Variants in PPP2R2B observed in about 807,000 individuals in gnomAD.
PPP2R2B encodes serine/threonine-protein phosphatase 2A 55 kDa regulatory subunit B beta isoform.
Under a neutral mutation model 46.0 loss-of-function variants are expected in PPP2R2B, and 5 were observed. The observed-to-expected ratio is 0.11, with a 90% CI of 0.06 to 0.23. The LOEUF is 0.23. Among genes scored for constraint, PPP2R2B ranks in the 10% least tolerant of loss-of-function variants. The pLI is 1.00. For synonymous variants in PPP2R2B, 215 were observed against 206.7 expected (o/e 1.04, Z -0.34); for missense variants, 367 against 575.0 (o/e 0.64, Z 3.70).
intron 2 of PPP2R2B, among the ~76,000 whole-genome samples, chr5:146,807,526 C>T (rs1757248697): frequency 6.6e-6 from 1 of 152,082 alleles, no homozygotes; most frequent in East Asian, 1.9e-4. Context: ...TAACTTATGC[C>T]AGGCACAGTA....
chr5:146,887,328 T>C (rs1209993993), intron 1 of PPP2R2B, among the ~76,000 whole-genome samples: 1 of 152,090 alleles, frequency 6.6e-6, no homozygotes, highest in Non-Finnish European at 1.5e-5. Flanking sequence ...GTTTCAAAAT[T>C]TTTATTCCAT....
At chr5:146,886,202 G>A (rs1162412448) in intron 1 of PPP2R2B, among the ~76,000 whole-genome samples, 1 of 152,006 alleles carries the variant, frequency 6.6e-6, no homozygotes, top group Non-Finnish European at 1.5e-5. Context: ...AGCCGGGCGT[G>A]GTGGCGGGCC....
At chr5:146,632,946 T>A (rs1241374391) in intron 7 of PPP2R2B, among the ~76,000 whole-genome samples, 2 of 151,564 alleles carry the variant, frequency 1.3e-5, no homozygotes, top group Non-Finnish European at 2.9e-5. Flanking sequence ...TGGAAAGGAG[T>A]TCAGGCTTAA....
chr5:147,080,229 T>C (rs1445644217), intron 2 of PPP2R2B, among the ~76,000 whole-genome samples: 1 of 152,228 alleles, frequency 6.6e-6, no homozygotes, highest in Non-Finnish European at 1.5e-5. Context: ...TTGAGTATAG[T>C]GTTCAATCCT....
chr5:147,071,560 A>G (rs1443889549), intron 2 of PPP2R2B, among the ~76,000 whole-genome samples: 2 of 152,128 alleles, frequency 1.3e-5, no homozygotes, highest in African/African-American at 4.8e-5. Flanking sequence ...CATACCAGAT[A>G]AGCCCTTGCC....
intron 2 of PPP2R2B, among the ~76,000 whole-genome samples, chr5:146,829,750 C>T (rs1758809572): frequency 6.6e-6 from 1 of 152,170 alleles, no homozygotes; most frequent in Non-Finnish European, 1.5e-5. Context: ...AAAGTCTATC[C>T]CTACAGACCT....
rs34156552 is a variant in PPP2R2B at position 146,692,527 on chromosome 5, ATTTTTTTT to A, written c.335-1295_335-1288del. 2.3e-4 allele frequency among the ~76,000 whole-genome samples: 25 copies of A among 111,052 alleles called. No homozygotes were observed. In the South Asian group the frequency reaches 6.4e-3, roughly 28 times the overall value. The allele number at this position is 111,052 out of a possible 152,430, so 72.9% of individuals were successfully genotyped here. A position where few individuals can be genotyped will look rare whatever the true frequency, so the allele number is the denominator to read the frequency against. The stretch of plus-strand genomic sequence containing the variant: ...GCCCTACATGCAGGCTTTTAATTCA[ATTTTTTTT>A]TTTTTTTTTTTTTTTTGAGACAGAG... On this transcript the variant is annotated intron_variant, in intron 4 of 9. Transcript: ENST00000394411.
chr5:147,070,303 C>G (rs144301234), intron 2 of PPP2R2B, among the ~76,000 whole-genome samples: 1 of 152,172 alleles, frequency 6.6e-6, no homozygotes, highest in East Asian at 1.9e-4. Context: ...TTACCTGCAA[C>G]CAAATTGGTA....
intron 2 of PPP2R2B, among the ~76,000 whole-genome samples, chr5:146,717,618 T>C (rs1441052973): frequency 6.6e-6 from 1 of 152,176 alleles, no homozygotes; most frequent in African/African-American, 2.4e-5. Flanking sequence ...CCTGAACTTG[T>C]ATCAACAGTA....
intron 2 of PPP2R2B, among the ~76,000 whole-genome samples, chr5:146,861,232 A>G (rs1760979016): frequency 6.6e-6 from 1 of 151,044 alleles, no homozygotes; most frequent in African/African-American, 2.4e-5. Context: ...ATTTTTTTGT[A>G]TTTTTTGTGG....
chr5:146,956,905 T>C (rs1751939376), intron 1 of PPP2R2B, among the ~76,000 whole-genome samples: 1 of 152,184 alleles, frequency 6.6e-6, no homozygotes, highest in Non-Finnish European at 1.5e-5. Context: ...AGGGCATTAA[T>C]CCCATTTATT....
At chr5:147,020,193 A>C (rs1167701350) in intron 1 of PPP2R2B, among the ~76,000 whole-genome samples, 1 of 152,120 alleles carries the variant, frequency 6.6e-6, no homozygotes, top group African/African-American at 2.4e-5. Flanking sequence ...ATCCTGTGAC[A>C]CATTCAATTC....
chr5:146,629,204 A>G (rs1195174171), intron 7 of PPP2R2B, among the ~76,000 whole-genome samples: 1 of 152,212 alleles, frequency 6.6e-6, no homozygotes, highest in East Asian at 1.9e-4. Flanking sequence ...AATTGGATGA[A>G]TCACAGACAT....
chr5:146,847,601 C>T (rs966938218), intron 2 of PPP2R2B, among the ~76,000 whole-genome samples: 10 of 152,214 alleles, frequency 6.6e-5, no homozygotes, highest in African/African-American at 2.4e-4. Context: ...ATGTAGAACA[C>T]AAGCCACATG....
At chr5:146,688,064 C>CT (rs1036205724) in intron 5 of PPP2R2B, among the ~76,000 whole-genome samples, 2 of 151,226 alleles carry the variant, frequency 1.3e-5, no homozygotes, top group African/African-American at 4.9e-5. Flanking sequence ...GGGTTGCCTG[C>CT]TTTTTTTTTC....
At chr5:147,022,495 G>A (rs1755328329) in intron 1 of PPP2R2B, among the ~76,000 whole-genome samples, 2 of 152,022 alleles carry the variant, frequency 1.3e-5, no homozygotes, top group Admixed American at 1.3e-4. Flanking sequence ...AGGAAGTGGA[G>A]GTTGCAATGA....
intron 2 of PPP2R2B, among the ~76,000 whole-genome samples, chr5:147,063,823 A>G (rs1042168449): frequency 6.6e-6 from 1 of 152,238 alleles, no homozygotes; most frequent in Non-Finnish European, 1.5e-5. Flanking sequence ...ACATGAATCC[A>G]GGTGGCAAGA....
At chr5:146,713,131 G>A (rs889662460) in intron 2 of PPP2R2B, among the ~76,000 whole-genome samples, 1 of 152,200 alleles carries the variant, frequency 6.6e-6, no homozygotes, top group Non-Finnish European at 1.5e-5. Context: ...ATTTCAATAG[G>A]GTGGTTGTGA....
chr5:147,058,239 G>A (rs1757151216), upstream of PPP2R2B, among the ~76,000 whole-genome samples: 1 of 152,134 alleles, frequency 6.6e-6, no homozygotes, highest in African/African-American at 2.4e-5. Flanking sequence ...TGGACGTGAA[G>A]GTCCTTTACA....
Sources: gnomAD v4.1 joint callset for allele counts (sites outside exome capture counted in the v4.1 genomes callset) on GRCh38, gnomAD v4.1.1 for gene constraint, MANE v1.5 for transcripts, NCBI Gene and HGNC (gene_info 2026-07-23, HGNC 2026-07-21) for gene names.